The following MITF variants were observed in gnomAD, a reference collection of about 807,000 sequenced individuals.
The protein encoded by MITF is microphthalmia-associated transcription factor.
Under a neutral mutation model 60.5 loss-of-function variants are expected in MITF, and 17 were observed. The ratio of observed to expected loss-of-function variants is 0.28; its 90% CI spans 0.19 to 0.42. The LOEUF is 0.42. Among genes scored for constraint, MITF ranks in the 10% least tolerant of loss-of-function variants. MITF has a pLI of 1.00. For missense variants in MITF, 622 were observed against 683.5 expected (o/e 0.91, Z 1.00); for synonymous variants, 260 against 248.5 (o/e 1.05, Z -0.43).
chr3:69,848,758 A>G (rs986336304), intron 1 of MITF, among the ~76,000 whole-genome samples: 31 of 152,150 alleles, frequency 2.0e-4, no homozygotes, highest in African/African-American at 7.5e-4. Context: ...TATGTAAGGA[A>G]AGAGCAGACA....
chr3:69,775,019 G>C (rs1292101702), intron 1 of MITF, among the ~76,000 whole-genome samples: 1 of 152,078 alleles, frequency 6.6e-6, no homozygotes, highest in Non-Finnish European at 1.5e-5. Context: ...ACATTTTCCT[G>C]CCATTCTTCT....
At chr3:69,850,809 G>A (rs1269054949) in intron 1 of MITF, among the ~76,000 whole-genome samples, 1 of 152,136 alleles carries the variant, frequency 6.6e-6, no homozygotes, top group Non-Finnish European at 1.5e-5. Context: ...TGCCCCTGAG[G>A]ATTTGGACAT....
intron 1 of MITF, among the ~76,000 whole-genome samples, chr3:69,798,939 G>C (rs1200681086): frequency 6.6e-6 from 1 of 152,060 alleles, no homozygotes; most frequent in Non-Finnish European, 1.5e-5. Context: ...TACTTAATTT[G>C]CTTGTCCTTT....
intron 1 of MITF, 79 bp from the exon 2 acceptor site, chr3:69,879,055 A>G (rs778243171): frequency 4.4e-6 from 5 of 1,147,512 alleles, no homozygotes; most frequent in Non-Finnish European, 6.6e-6. Flanking sequence ...AGTTTGGTGC[A>G]ATTTAGGATA....
At chr3:69,942,104 C>T (rs1184090423) in intron 5 of MITF, among the ~76,000 whole-genome samples, 2 of 152,080 alleles carry the variant, frequency 1.3e-5, no homozygotes, top group African/African-American at 2.4e-5. Context: ...TTTCTGTTTC[C>T]TCTGAGAGCA....
At chr3:69,766,376 ATTTTTTTTTTTTTT>A (rs753953309) in intron 1 of MITF, among the ~76,000 whole-genome samples, 10 of 95,122 alleles carry the variant, frequency 1.1e-4, no homozygotes, top group Admixed American at 8.0e-4. Flanking sequence ...TGCCCAGCTA[ATTTTTTTTTTTTTT>A]TTTTTTTTTT....
chr3:69,832,930 C>T (rs191952645), intron 1 of MITF, among the ~76,000 whole-genome samples: 1 of 151,986 alleles, frequency 6.6e-6, no homozygotes, highest in African/African-American at 2.4e-5. Flanking sequence ...GGTTATATAC[C>T]TGGTTAGACT....
chr3:69,797,271 C>T (rs1223487952), intron 1 of MITF, among the ~76,000 whole-genome samples: 1 of 151,832 alleles, frequency 6.6e-6, no homozygotes, highest in East Asian at 1.9e-4. Flanking sequence ...GTTTTTTAAC[C>T]TGTGTTCTCA....
chr3:69,837,767 A>G (rs1012642112), intron 1 of MITF, among the ~76,000 whole-genome samples: 4 of 152,188 alleles, frequency 2.6e-5, no homozygotes, highest in Non-Finnish European at 5.9e-5. Context: ...GAATATTCAT[A>G]TGTTTCCCGG....
intron 1 of MITF, among the ~76,000 whole-genome samples, chr3:69,853,446 A>G (rs1221394271): frequency 2.0e-5 from 3 of 152,112 alleles, no homozygotes; most frequent in African/African-American, 4.8e-5. Flanking sequence ...ATTACTAACA[A>G]TATTCAATAT....
At chr3:69,746,712 T>C (rs1703740396) in intron 1 of MITF, among the ~76,000 whole-genome samples, 1 of 152,214 alleles carries the variant, frequency 6.6e-6, no homozygotes, top group South Asian at 2.1e-4. Context: ...TTGCAGTTTA[T>C]AAGAAGGTTT....
intron 1 of MITF, among the ~76,000 whole-genome samples, chr3:69,868,563 G>A (rs1284705101): frequency 3.9e-5 from 6 of 152,038 alleles, no homozygotes; most frequent in African/African-American, 1.4e-4. Context: ...CACGGTTTTC[G>A]TCTACCAGGT....
At chr3:69,751,617 T>C (rs1231953022) in intron 1 of MITF, among the ~76,000 whole-genome samples, 3 of 151,706 alleles carry the variant, frequency 2.0e-5, no homozygotes, top group Non-Finnish European at 4.4e-5. Context: ...TCTGTTCTTG[T>C]TGTAAACTGG....
At chr3:69,847,156 G>A (rs891172711) in intron 1 of MITF, among the ~76,000 whole-genome samples, 1 of 152,170 alleles carries the variant, frequency 6.6e-6, no homozygotes, top group Admixed American at 6.5e-5. Flanking sequence ...CAGACTAAGT[G>A]CAAGGATTGT....
intron 1 of MITF, among the ~76,000 whole-genome samples, chr3:69,849,784 C>T (rs1003685220): frequency 1.3e-5 from 2 of 152,194 alleles, no homozygotes; most frequent in African/African-American, 4.8e-5. Flanking sequence ...TCCTCTTTAG[C>T]TCTTTTTCCT....
chr3:69,748,759 A>C (rs1703822988), intron 1 of MITF, among the ~76,000 whole-genome samples: 1 of 152,140 alleles, frequency 6.6e-6, no homozygotes, highest in Admixed American at 6.5e-5. Context: ...CACATTCATC[A>C]GTTTTCCCAT....
intron 1 of MITF, among the ~76,000 whole-genome samples, chr3:69,761,906 C>G (rs1031471723): frequency 7.2e-5 from 11 of 152,210 alleles, no homozygotes; most frequent in Admixed American, 5.2e-4. Flanking sequence ...TTGTGTTCTA[C>G]TACTGAACAT....
chr3:69,825,582 T>C (rs1156557709), intron 1 of MITF, among the ~76,000 whole-genome samples: 2 of 152,198 alleles, frequency 1.3e-5, no homozygotes, highest in African/African-American at 4.8e-5. Context: ...ATGTCAAGCG[T>C]TGTTTCCTTC....
At chr3:69,781,263 G>T (rs1454315153) in intron 1 of MITF, among the ~76,000 whole-genome samples, 1 of 152,162 alleles carries the variant, frequency 6.6e-6, no homozygotes, top group African/African-American at 2.4e-5. Flanking sequence ...TGACCAGGTT[G>T]TTAATGTTGG....
Sources: gnomAD v4.1 joint callset for allele counts (sites outside exome capture counted in the v4.1 genomes callset) on GRCh38, gnomAD v4.1.1 for gene constraint, MANE v1.5 for transcripts, NCBI Gene and HGNC (gene_info 2026-07-23, HGNC 2026-07-21) for gene names.